CBL: variants seen among roughly 807,000 people sequenced by gnomAD.
CBL encodes the protein E3 ubiquitin-protein ligase CBL.
Under a neutral mutation model 96.9 loss-of-function variants are expected in CBL, and 45 were observed. That is an observed-to-expected ratio of 0.46 (90% CI 0.37 to 0.60). The LOEUF is 0.60. CBL is among the 20% of genes least tolerant of loss of function. CBL has a pLI of 0.00. For synonymous variants in CBL, 420 were observed against 426.8 expected (o/e 0.98, Z 0.20); for missense variants, 1,024 against 1,143.5 (o/e 0.90, Z 1.51).
At chr11:119,269,246 C>CT (rs11317875) in intron 2 of CBL, among the ~76,000 whole-genome samples, 3,489 of 118,284 alleles carry the variant, frequency 0.029, 134 homozygotes, top group African/African-American at 0.085. Flanking sequence ...TGGATAAGTG[C>CT]TTTTTTTTTT....
rs755014204 is a variant in CBL at position 119,206,382 on chromosome 11, C to A, written c.-36C>A. On this transcript the variant is annotated 5_prime_UTR_variant, in exon 1 of 16. Coordinates refer to ENST00000264033, the MANE Select transcript of CBL (RefSeq NM_005188.4). ...TCCCTCGCTCGCAGTCGAGCCGAGC[C>A]GGCGGACCCGCCTGGGCTCCGACCC... 14 of 1,458,874 alleles carry A rather than the reference C, an allele frequency of 9.6e-6. No homozygotes were observed. The South Asian group carries it at 1.8e-4, about 19-fold the overall frequency. The allele number at this position is 1,458,874 out of a possible 1,614,324, so 90.4% of individuals were successfully genotyped here.
chr11:119,274,097 T>A, intron 4 of CBL, 73 bp downstream of exon 4: 2 of 1,129,260 alleles, frequency 1.8e-6, no homozygotes, highest in Non-Finnish European at 2.6e-6. Context: ...TTTTTTTTTT[T>A]TAAATAACAT....
intron 1 of CBL, among the ~76,000 whole-genome samples, chr11:119,211,658 C>A (rs1194559645): frequency 6.6e-6 from 1 of 151,844 alleles, no homozygotes; most frequent in Non-Finnish European, 1.5e-5. Flanking sequence ...TGCCCACCAG[C>A]ACACCCAGCT....
intron 1 of CBL, among the ~76,000 whole-genome samples, chr11:119,207,227 G>A (rs1328489236): frequency 6.6e-6 from 1 of 152,178 alleles, no homozygotes; most frequent in Non-Finnish European, 1.5e-5. Flanking sequence ...TCCCCATCTA[G>A]CGCCGGCTCA....
chr11:119,238,829 TCAAGTAAA>T (rs1949564840), intron 2 of CBL, among the ~76,000 whole-genome samples: 1 of 152,184 alleles, frequency 6.6e-6, no homozygotes, highest in African/African-American at 2.4e-5. Context: ...AGAGTTCATC[TCAAGTAAA>T]CAAGAGCAGC....
Position 119,306,462 on chromosome 11 carries a change from G to C in CBL, c.*6681G>C. ...CTAAATCAGACAGGAGGCCAGAGAGGAGTATTGCTCAATGCGTGCTATGTG... is the reference window on the plus strand; with the variant it reads ...CTAAATCAGACAGGAGGCCAGAGAGCAGTATTGCTCAATGCGTGCTATGTG... On this transcript the variant is annotated 3_prime_UTR_variant, in exon 16 of 16. Transcript: ENST00000264033. 1 of 398,156 alleles carries C rather than the reference G, an allele frequency of 2.5e-6. No homozygotes were observed. The highest frequency in any genetic ancestry group is 4.4e-6 in the Non-Finnish European group (1 of 225,886). The allele number at this position is 398,156 out of a possible 1,614,324, so 24.7% of individuals were successfully genotyped here. A position where few individuals can be genotyped will look rare whatever the true frequency, so the allele number is the denominator to read the frequency against.
intron 2 of CBL, among the ~76,000 whole-genome samples, chr11:119,235,404 C>T (rs1949536276): frequency 6.6e-6 from 1 of 152,000 alleles, no homozygotes; most frequent in African/African-American, 2.4e-5. Context: ...ATAAAGTGTG[C>T]TAGAGAAAAG....
At chr11:119,250,919 A>G (rs558284600) in intron 2 of CBL, among the ~76,000 whole-genome samples, 1 of 152,266 alleles carries the variant, frequency 6.6e-6, no homozygotes, top group Admixed American at 6.5e-5. Flanking sequence ...CCACTGCACT[A>G]CAGCCTGGGT....
intron 2 of CBL, among the ~76,000 whole-genome samples, chr11:119,245,956 CTTTTTTTTTTTTTTTTTTTTTT>C (rs71048054): frequency 1.8e-5 from 1 of 54,300 alleles, no homozygotes; most frequent in Non-Finnish European, 3.3e-5. Context: ...CTTTGCAAAT[CTTTTTTTTTTTTTTTTTTTTTT>C]TTTTTTTTTT....
chr11:119,273,823 ATC>A, intron 3 of CBL, 43 bp from the exon 4 acceptor site: 1 of 1,557,956 alleles, frequency 6.4e-7, no homozygotes, highest in African/African-American at 1.4e-5. Flanking sequence ...GCCTGGAATT[ATC>A]TCTGTTATTT....
intron 2 of CBL, among the ~76,000 whole-genome samples, chr11:119,270,412 A>ATT (rs1949834994): frequency 3.2e-5 from 3 of 93,118 alleles, no homozygotes; most frequent in East Asian, 3.2e-4. Flanking sequence ...TGGTCAGCTA[A>ATT]TTTTTATATA....
chr11:119,284,434 T>C (rs1293622597), intron 9 of CBL, among the ~76,000 whole-genome samples: 1 of 152,074 alleles, frequency 6.6e-6, no homozygotes, highest in Non-Finnish European at 1.5e-5. Flanking sequence ...GCCTCCCAAA[T>C]AGCTGTGTGC....
At chr11:119,225,358 A>C (rs1364012609) in intron 1 of CBL, among the ~76,000 whole-genome samples, 4 of 152,002 alleles carry the variant, frequency 2.6e-5, no homozygotes, top group Admixed American at 2.0e-4. Flanking sequence ...TGGCCTCCCA[A>C]AGTGCTGGGA....
intron 6 of CBL, among the ~76,000 whole-genome samples, chr11:119,276,464 C>A (rs2511853): frequency 6.6e-6 from 1 of 152,150 alleles, no homozygotes; most frequent in Non-Finnish European, 1.5e-5. Flanking sequence ...TTTAACTAGT[C>A]GGCATTCAAG....
At chr11:119,217,001 T>C (rs1310743835) in intron 1 of CBL, among the ~76,000 whole-genome samples, 2 of 152,266 alleles carry the variant, frequency 1.3e-5, no homozygotes, top group Non-Finnish European at 2.9e-5. Flanking sequence ...TAATTTGTTA[T>C]ATTGTAGAGC....
At chr11:119,224,921 AC>A (rs1167716233) in intron 1 of CBL, among the ~76,000 whole-genome samples, 3 of 152,086 alleles carry the variant, frequency 2.0e-5, no homozygotes, top group East Asian at 3.9e-4. Flanking sequence ...ACTTGGTATA[AC>A]TTTTATTGAA....
At chr11:119,277,329 C>T (rs1949897807) in intron 6 of CBL, among the ~76,000 whole-genome samples, 1 of 151,572 alleles carries the variant, frequency 6.6e-6, no homozygotes, top group Admixed American at 6.6e-5. Context: ...TAAACTGTGA[C>T]CCATGGGCCA....
intron 2 of CBL, among the ~76,000 whole-genome samples, chr11:119,251,587 G>A (rs906950488): frequency 3.9e-5 from 6 of 151,970 alleles, no homozygotes; most frequent in African/African-American, 1.2e-4. Context: ...CATGCCTTTT[G>A]GACACAAAAA....
intron 2 of CBL, among the ~76,000 whole-genome samples, chr11:119,260,669 AC>A (rs1298586297): frequency 6.6e-6 from 1 of 151,772 alleles, no homozygotes; most frequent in Non-Finnish European, 1.5e-5. Flanking sequence ...ACTCAGTCAT[AC>A]TCTTGATTTT....
Sources: gnomAD v4.1 joint callset for allele counts (sites outside exome capture counted in the v4.1 genomes callset) on GRCh38, gnomAD v4.1.1 for gene constraint, MANE v1.5 for transcripts, NCBI Gene and HGNC (gene_info 2026-07-23, HGNC 2026-07-21) for gene names.